PFKM: variants seen among roughly 807,000 people sequenced by gnomAD.
PFKM encodes the protein phosphofructokinase, muscle, also known as ATP-dependent 6-phosphofructokinase, muscle type.
In PFKM, 58 loss-of-function variants were observed where a neutral mutation model predicts 95.5. The ratio of observed to expected loss-of-function variants is 0.61; its 90% CI spans 0.49 to 0.76. The LOEUF (loss-of-function observed/expected upper bound fraction) is 0.76. Among genes scored for constraint, PFKM ranks in the 30% least tolerant of loss-of-function variants. The pLI, the probability that PFKM is intolerant of heterozygous loss-of-function variation, is 0.00. For missense variants in PFKM, 678 were observed against 1,005.4 expected (o/e 0.67, Z 4.40); for synonymous variants, 336 against 357.2 (o/e 0.94, Z 0.67).
intron 18 of PFKM, 94 bp downstream of exon 18, chr12:48,143,040 G>A (rs1057037633): frequency 2.4e-5 from 29 of 1,203,370 alleles, no homozygotes; most frequent in Admixed American, 1.8e-4. Flanking sequence ...GTTGAGGACC[G>A]AGCTGATTGG....
intron 2 of PFKM, among the ~76,000 whole-genome samples, chr12:48,124,049 T>C (rs557891713): frequency 6.6e-6 from 1 of 152,344 alleles, no homozygotes; most frequent in South Asian, 2.1e-4. Context: ...TCAATCAGGA[T>C]GATGATGAGG....
At chr12:48,126,605 T>C (rs1187516021) in intron 2 of PFKM, among the ~76,000 whole-genome samples, 1 of 152,242 alleles carries the variant, frequency 6.6e-6, no homozygotes, top group Admixed American at 6.5e-5. Context: ...CTTGTCTCTC[T>C]TAACCCTGGG....
Position 48,144,141 on chromosome 12 carries a change from T to A in PFKM, c.1976T>A (p.Leu659His). 1 of 1,610,170 alleles carries A rather than the reference T, an allele frequency of 6.2e-7. No homozygotes were observed. Among genetic ancestry groups the A allele is most frequent in the East Asian group, 2.2e-5 (1 of 44,866 alleles). Residue 659 changes from leucine to histidine, a missense_variant, in exon 20 of 23, where the codon CTT becomes CAT. Leu to His is a moderately conservative substitution (Grantham distance 99, BLOSUM62 -3). Transcript: ENST00000359794. ...KGIFDSRKNVLGHMQQGGSPT... is the reference protein window; with the variant it reads ...KGIFDSRKNVHGHMQQGGSPT... ...ATCTTCGACAGCAGGAAGAATGTGC[T>A]TGGTCACATGCAGCAGGTAGGGAAG...
At chr12:48,135,804 G>A (rs887924061) in intron 10 of PFKM, among the ~76,000 whole-genome samples, 1 of 152,076 alleles carries the variant, frequency 6.6e-6, no homozygotes, top group Non-Finnish European at 1.5e-5. Flanking sequence ...TCAAGCTACA[G>A]AACATTTCTG....
chr12:48,118,505 G>C (rs1947872613), upstream of PFKM: 1 of 1,517,182 alleles, frequency 6.6e-7, no homozygotes. Context: ...AGAGATACAA[G>C]TAAGCAAGAG....
chr12:48,120,873 C>T (rs762809439), intron 1 of PFKM, among the ~76,000 whole-genome samples: 2 of 152,126 alleles, frequency 1.3e-5, no homozygotes, highest in African/African-American at 2.4e-5. Context: ...TAAAGCAGGC[C>T]GAGCATGGTG....
chr12:48,134,388 G>A, intron 7 of PFKM, 112 bp downstream of exon 7: 1 of 911,340 alleles, frequency 1.1e-6, no homozygotes, highest in Admixed American at 1.8e-5. Flanking sequence ...AGGTGCACAT[G>A]CTCCTTGTGG....
chr12:48,124,910 T>C (rs1490716908), intron 2 of PFKM, among the ~76,000 whole-genome samples: 1 of 152,168 alleles, frequency 6.6e-6, no homozygotes, highest in Non-Finnish European at 1.5e-5. Context: ...GGACTCTAGT[T>C]CTCCCGGGGA....
At chr12:48,108,724 G>A (rs946703200) in intron 3 of PFKM, among the ~76,000 whole-genome samples, 24 of 152,002 alleles carry the variant, frequency 1.6e-4, no homozygotes, top group African/African-American at 5.1e-4. Context: ...TATGTATTTC[G>A]TCTTAACTTA....
In PFKM at chr12:48,131,581, G is replaced by A. The variant is rs80206782; in HGVS notation, c.237+188G>A. 42,438 of 652,482 alleles carry A rather than the reference G, an allele frequency of 0.065. 1,835 individuals carry two copies. The highest frequency in any genetic ancestry group is 0.091 in the Non-Finnish European group (32,740 of 358,954). The allele number at this position is 652,482 out of a possible 1,614,324, so 40.4% of individuals were successfully genotyped here. ...AATACCACCCTGGTTTCCTGGGGCAGGGAGAGGGTGGAGGAGTGATCACAG... is the reference window on the plus strand; with the variant it reads ...AATACCACCCTGGTTTCCTGGGGCAAGGAGAGGGTGGAGGAGTGATCACAG... On this transcript the variant is annotated intron_variant, in intron 4 of 22. Transcript: ENST00000359794.
chr12:48,116,644 A>G (rs563836748), upstream of PFKM, among the ~76,000 whole-genome samples: 28 of 152,094 alleles, frequency 1.8e-4, no homozygotes, highest in African/African-American at 5.8e-4. Context: ...ACACCTGGCT[A>G]ATTTTTTGTA....
At chr12:48,121,973 T>TA (rs1948330181) in intron 1 of PFKM, among the ~76,000 whole-genome samples, 1 of 152,250 alleles carries the variant, frequency 6.6e-6, no homozygotes, top group South Asian at 2.1e-4. Context: ...AGGTGATCCC[T>TA]AAAGAATAAA....
chr12:48,105,799 GAACGGCCTCAGGTAGCCT>G, upstream of PFKM: 1 of 588,942 alleles, frequency 1.7e-6, no homozygotes, highest in South Asian at 2.0e-5. Flanking sequence ...AGACCAGAAG[GAACGGCCTCAGGTAGCCT>G]AACGGCCACC....
intron 3 of PFKM, 51 bp downstream of exon 3, chr12:48,130,487 T>A: frequency 7.3e-7 from 1 of 1,361,656 alleles, no homozygotes; most frequent in South Asian, 1.2e-5. Context: ...TTCTTCTAAA[T>A]CTGCCTTCTA....
chr12:48,142,991 C>A (rs1218047383), intron 18 of PFKM, 45 bp downstream of exon 18: 2 of 1,568,664 alleles, frequency 1.3e-6, no homozygotes, highest in Middle Eastern at 2.2e-4. Context: ...CCCCTGTCTC[C>A]AGACTGTTTC....
At chr12:48,116,877 T>G (rs1007160159), upstream of PFKM, among the ~76,000 whole-genome samples, 1 of 152,250 alleles carries the variant, frequency 6.6e-6, no homozygotes, top group Non-Finnish European at 1.5e-5. Context: ...TTCCATAGTT[T>G]ACATTAGGGT....
chr12:48,133,127 C>T, intron 5 of PFKM, 70 bp downstream of exon 5: 2 of 1,459,752 alleles, frequency 1.4e-6, no homozygotes, highest in South Asian at 2.3e-5. Context: ...ACACACATCG[C>T]CCCCGCCCTG....
At chr12:48,141,167 CG>C in intron 14 of PFKM, 143 bp from the exon 15 acceptor site, 1 of 784,522 alleles carries the variant, frequency 1.3e-6, no homozygotes, top group Non-Finnish European at 2.2e-6. Flanking sequence ...AAGTTGAGTG[CG>C]TGGGGAAAAG....
rs147217221 is a variant in PFKM at position 48,129,823 on chromosome 12, C to T, written c.86-540C>T. ...GAAAGCAAGGAAAAACCTAGTACAGCCATTGACATTAGTAGGACAAGCCAT... is the reference window on the plus strand; with the variant it reads ...GAAAGCAAGGAAAAACCTAGTACAGTCATTGACATTAGTAGGACAAGCCAT... On this transcript the variant is annotated intron_variant, in intron 2 of 22. Transcript: ENST00000359794. 8.4e-3 allele frequency among the ~76,000 whole-genome samples: 1,275 copies of T among 152,304 alleles called. 15 individuals are homozygous for T. The highest frequency in any genetic ancestry group is 0.028 in the African/African-American group (1,155 of 41,576).
Sources: allele counts gnomAD v4.1 joint callset (sites outside exome capture counted in the v4.1 genomes callset), GRCh38; gene constraint gnomAD v4.1.1; transcripts MANE v1.5; gene names NCBI Gene and HGNC (gene_info 2026-07-23, HGNC 2026-07-21).